Variants in RBPMS2 observed in about 807,000 individuals in gnomAD.
The protein encoded by RBPMS2 is RNA binding protein, mRNA processing factor 2.
In RBPMS2, 14 loss-of-function variants were observed where a neutral mutation model predicts 25.7. That is an observed-to-expected ratio of 0.55 (90% CI 0.36 to 0.85). RBPMS2 has a LOEUF of 0.85. RBPMS2 is among the 40% of genes least tolerant of loss of function. The probability of loss-of-function intolerance (pLI) is 0.01; values close to 1 mark genes in which losing one functional copy is unlikely to be tolerated. For missense variants in RBPMS2, 252 were observed against 283.4 expected (o/e 0.89, Z 0.80); for synonymous variants, 127 against 115.6 (o/e 1.10, Z -0.63).
At chr15:64,745,329 T>C (rs2083608687) in intron 6 of RBPMS2, among the ~76,000 whole-genome samples, 1 of 152,220 alleles carries the variant, frequency 6.6e-6, no homozygotes, top group Non-Finnish European at 1.5e-5. Flanking sequence ...TAATAGCTCC[T>C]GCTCATGAAG....
chr15:64,748,398 C>T, intron 6 of RBPMS2, 21 bp downstream of exon 6: 1 of 1,611,136 alleles, frequency 6.2e-7, no homozygotes, highest in Non-Finnish European at 8.5e-7. Context: ...TCTTCGCCCT[C>T]CCCAACCTTA....
chr15:64,766,384 C>G (rs1211424189), intron 1 of RBPMS2, among the ~76,000 whole-genome samples: 1 of 152,156 alleles, frequency 6.6e-6, no homozygotes, highest in African/African-American at 2.4e-5. Flanking sequence ...TGGCACGTAT[C>G]AGAAGTAACC....
intron 6 of RBPMS2, among the ~76,000 whole-genome samples, 200 bp from the exon 7 acceptor site, chr15:64,741,442 T>C (rs554993823): frequency 6.6e-6 from 1 of 152,216 alleles, no homozygotes; most frequent in Non-Finnish European, 1.5e-5. Context: ...GTGCCTCCTC[T>C]GCAGGACACA....
At chr15:64,756,136 C>T (rs2083729632) in intron 1 of RBPMS2, among the ~76,000 whole-genome samples, 1 of 152,160 alleles carries the variant, frequency 6.6e-6, no homozygotes, top group African/African-American at 2.4e-5. Context: ...GGAGACCTCC[C>T]CCATCTCTAC....
At chr15:64,768,175 A>T (rs2083862802) in intron 1 of RBPMS2, among the ~76,000 whole-genome samples, 1 of 152,224 alleles carries the variant, frequency 6.6e-6, no homozygotes, top group Non-Finnish European at 1.5e-5. Context: ...AGTCACGCCC[A>T]GGTACAGGAA....
intron 1 of RBPMS2, among the ~76,000 whole-genome samples, chr15:64,757,363 C>G (rs1012489432): frequency 9.2e-5 from 14 of 152,282 alleles, no homozygotes; most frequent in African/African-American, 3.4e-4. Flanking sequence ...CAATAAAATG[C>G]TGGCTTCATT....
chr15:64,744,283 G>C (rs2083592009), intron 6 of RBPMS2, among the ~76,000 whole-genome samples: 2 of 152,134 alleles, frequency 1.3e-5, no homozygotes. Flanking sequence ...CAATGGCTGG[G>C]CGCGGTGGCT....
chr15:64,771,406 G>A (rs1456871264), intron 1 of RBPMS2, among the ~76,000 whole-genome samples: 1 of 152,190 alleles, frequency 6.6e-6, no homozygotes, highest in Non-Finnish European at 1.5e-5. Flanking sequence ...GCACAGGCCG[G>A]GCACGGTGGC....
At chr15:64,748,901 C>T in intron 5 of RBPMS2, 99 bp downstream of exon 5, 1 of 1,416,700 alleles carries the variant, frequency 7.1e-7, no homozygotes, top group Admixed American at 2.2e-5. Flanking sequence ...GCCGTGGACA[C>T]AAAAAGCCTC....
At chr15:64,769,541 T>A (rs2083877063) in intron 1 of RBPMS2, among the ~76,000 whole-genome samples, 1 of 148,108 alleles carries the variant, frequency 6.8e-6, no homozygotes, top group Non-Finnish European at 1.5e-5. Context: ...GCGCCTGTAG[T>A]CCCAGCTACT....
At chr15:64,754,338 G>A (rs549854877) in intron 1 of RBPMS2, among the ~76,000 whole-genome samples, 10 of 151,822 alleles carry the variant, frequency 6.6e-5, no homozygotes, top group South Asian at 2.1e-4. Context: ...AAGGCTGGGC[G>A]TGGTGGCTTA....
intron 3 of RBPMS2, 24 bp from the exon 4 acceptor site, chr15:64,749,517 C>T (rs1425326932): frequency 6.3e-7 from 1 of 1,585,794 alleles, no homozygotes; most frequent in South Asian, 1.1e-5. Context: ...GAGAGAACAC[C>T]CTTATATCTC....
chr15:64,775,136 C>T (rs1179150071), intron 1 of RBPMS2, 97 bp downstream of exon 1: 1 of 621,324 alleles, frequency 1.6e-6, no homozygotes, highest in Non-Finnish European at 2.2e-6. Flanking sequence ...GAGCGATGGC[C>T]ACCCCGGCCC....
chr15:64,749,427 T>C lies in RBPMS2; in HGVS notation c.267+4A>G. On this transcript the variant is annotated splice_donor_region_variant and intron_variant, in intron 4 of 7. Coordinates refer to ENST00000300069, the MANE Select transcript of RBPMS2 (RefSeq NM_194272.3). ...CAGAGAAGACCTGTTCTCCACCTAC[T>C]CACGTTCAGCGCATTCTTGGCCGCT... 1 of 1,612,774 alleles carries C rather than the reference T, an allele frequency of 6.2e-7. No homozygotes were observed. Among genetic ancestry groups the C allele is most frequent in the Non-Finnish European group, 8.5e-7 (1 of 1,179,226 alleles).
At chr15:64,744,378 G>C (rs965368046) in intron 6 of RBPMS2, among the ~76,000 whole-genome samples, 4 of 151,794 alleles carry the variant, frequency 2.6e-5, no homozygotes, top group Non-Finnish European at 4.4e-5. Flanking sequence ...GACCAACACG[G>C]AGAAACCCCA....
intron 3 of RBPMS2, among the ~76,000 whole-genome samples, 161 bp downstream of exon 3, chr15:64,750,182 C>T (rs1284422049): frequency 2.6e-5 from 4 of 152,120 alleles, no homozygotes; most frequent in African/African-American, 4.8e-5. Context: ...AGTGAAGAGA[C>T]AGTGGGACCT....
At position 64,741,240 on chromosome 15, in the gene RBPMS2, C is replaced by T. The variant is rs1165576423; in HGVS notation, c.570G>A (p.Val190=). The part of the protein sequence containing the change: ...TAAAAALHAQ[V]RWYPSSDTTQ... ...TGGTGTCAGAGGAAGGGTACCAGCG[C>T]ACCTGCAAGAGAAGCCAACGTCAGG... The change falls in exon 7 of 8, where the codon GTG becomes GTA. Residue 190 remains valine (V), a splice_region_variant and synonymous_variant. Transcript: ENST00000300069. The T allele has an allele frequency of 3.8e-6, 6 of 1,589,182 alleles. No homozygotes were observed. The highest frequency in any genetic ancestry group is 2.7e-5 in the African/African-American group (2 of 74,410).
intron 6 of RBPMS2, 85 bp from the exon 7 acceptor site, chr15:64,741,327 G>T: frequency 9.5e-7 from 1 of 1,054,002 alleles, no homozygotes; most frequent in Non-Finnish European, 1.4e-6. Flanking sequence ...CGGTGTCCCC[G>T]CTGGAGTCCT....
chr15:64,766,104 C>T (rs369398687), intron 1 of RBPMS2, among the ~76,000 whole-genome samples: 23 of 152,282 alleles, frequency 1.5e-4, no homozygotes, highest in Admixed American at 7.2e-4. Flanking sequence ...CAAAGAAGGG[C>T]GAAGTACTCC....
Sources: allele counts gnomAD v4.1 joint callset (sites outside exome capture counted in the v4.1 genomes callset), GRCh38; gene constraint gnomAD v4.1.1; transcripts MANE v1.5; gene names NCBI Gene and HGNC (gene_info 2026-07-23, HGNC 2026-07-21).